Variants in SFMBT2 observed in about 807,000 individuals in gnomAD.
SFMBT2 encodes Scm like with four mbt domains 2.
SFMBT2 carries 38 observed loss-of-function variants against 110.1 expected under a neutral mutation model. The ratio of observed to expected loss-of-function variants is 0.35; its 90% CI spans 0.27 to 0.45. The LOEUF is 0.45. SFMBT2 is among the 20% of genes least tolerant of loss of function. SFMBT2 has a pLI of 1.00. For missense variants in SFMBT2, 1,011 were observed against 1,094.9 expected (o/e 0.92, Z 1.08); for synonymous variants, 425 against 425.4 (o/e 1.00, Z 0.01).
chr10:7,292,795 T>A (rs1842298752), intron 4 of SFMBT2, among the ~76,000 whole-genome samples: 1 of 152,036 alleles, frequency 6.6e-6, no homozygotes, highest in Admixed American at 6.5e-5. Flanking sequence ...GGCGGGCGGA[T>A]CACCTAAGGC....
intron 4 of SFMBT2, among the ~76,000 whole-genome samples, chr10:7,357,855 C>T (rs557945093): frequency 9.2e-5 from 14 of 152,360 alleles, no homozygotes; most frequent in Non-Finnish European, 1.5e-4. Flanking sequence ...AACCTAAGGA[C>T]TCGAGTTGGA....
intron 1 of SFMBT2, among the ~76,000 whole-genome samples, chr10:7,387,071 T>C (rs1387089609): frequency 6.6e-6 from 1 of 152,196 alleles, no homozygotes; most frequent in Admixed American, 6.5e-5. Context: ...AATCATCGAT[T>C]TTTAATAACT....
intron 16 of SFMBT2, among the ~76,000 whole-genome samples, chr10:7,182,053 CCTTTT>C (rs756958448): frequency 1.3e-5 from 2 of 152,112 alleles, no homozygotes; most frequent in East Asian, 3.9e-4. Flanking sequence ...TTCTTTCTTT[CCTTTT>C]TTTTTGAGAC....
chr10:7,248,532 A>T lies in SFMBT2; in HGVS notation c.972+16T>A, dbSNP rs1840693106. The T allele has an allele frequency of 1.9e-6, 3 of 1,609,374 alleles. No individual in the cohort carries two copies. In the East Asian group the frequency reaches 6.7e-5, roughly 36 times the overall value. On this transcript the variant is annotated intron_variant, in intron 8 of 20. Transcript: ENST00000397167. ...ACTCTAGGGGCTGGGTCGAAGAGCG[A>T]GGGAGGAAAACCCACCTTAGTCACC...
At chr10:7,306,741 G>A (rs34445863) in intron 4 of SFMBT2, among the ~76,000 whole-genome samples, 78,229 of 150,314 alleles carry the variant, frequency 0.52, 20,598 homozygotes, top group East Asian at 0.68. Flanking sequence ...GAAAAGGGGG[G>A]AAAAAAAAGA....
intron 6 of SFMBT2, among the ~76,000 whole-genome samples, chr10:7,277,825 A>C (rs1396034325): frequency 6.6e-6 from 1 of 152,244 alleles, no homozygotes; most frequent in African/African-American, 2.4e-5. Context: ...TTAGGATATG[A>C]ATATGAAATT....
intron 4 of SFMBT2, among the ~76,000 whole-genome samples, chr10:7,355,577 C>T (rs2132022736): frequency 6.6e-6 from 1 of 152,274 alleles, no homozygotes; most frequent in East Asian, 1.9e-4. Context: ...CTTTGGGAGG[C>T]CGAGGCGGCT....
chr10:7,307,837 A>G lies in SFMBT2; in HGVS notation c.437-21883T>C, dbSNP rs539100138. Among the ~76,000 whole-genome samples, 49 of 152,342 alleles carry G rather than the reference A, an allele frequency of 3.2e-4. 1 individual carries two copies. The South Asian group carries it at 6.4e-3, about 20-fold the overall frequency. The stretch of plus-strand genomic sequence containing the variant: ...ATAAAATCAGCTTAGTAAAATTAAG[A>G]ATTTCCATCCACTAAGAAGTCATTA... On this transcript the variant is annotated intron_variant, in intron 4 of 20. Transcript: ENST00000397167.
At chr10:7,185,502 T>C (rs116311460) in intron 16 of SFMBT2, among the ~76,000 whole-genome samples, 3,340 of 152,206 alleles carry the variant, frequency 0.022, 112 homozygotes, top group African/African-American at 0.076. Flanking sequence ...CCACTGCTTA[T>C]GAAAAAAAAG....
Position 7,370,295 on chromosome 10 carries a change from T to C in SFMBT2, c.181A>G (p.Thr61Ala), listed in dbSNP as rs1285633703. 6.2e-7 allele frequency: 1 copy of C among 1,613,830 alleles called. No homozygotes were observed. The highest frequency in any genetic ancestry group is 8.5e-7 in the Non-Finnish European group (1 of 1,179,840). Residue 61 changes from threonine (T) to alanine (A), a missense_variant, in exon 3 of 21, where the codon ACA becomes GCA. Coordinates refer to ENST00000397167, the MANE Select transcript of SFMBT2 (RefSeq NM_001387889.1). ...EETGASAAPH[T>A]SFKHVEISIQ... ...GCTTTACATACGTGTTTGAATGATGTGTGGGGAGCAGCACTTGCTCCTGTC... is the reference window on the plus strand; with the variant it reads ...GCTTTACATACGTGTTTGAATGATGCGTGGGGAGCAGCACTTGCTCCTGTC...
At chr10:7,378,063 G>T (rs1220895208) in intron 2 of SFMBT2, among the ~76,000 whole-genome samples, 1 of 151,158 alleles carries the variant, frequency 6.6e-6, no homozygotes, top group Non-Finnish European at 1.5e-5. Context: ...GGATGTGAGT[G>T]TGTGTGTGCA....
chr10:7,320,180 A>G (rs1843143232), intron 4 of SFMBT2, among the ~76,000 whole-genome samples: 1 of 152,270 alleles, frequency 6.6e-6, no homozygotes, highest in South Asian at 2.1e-4. Flanking sequence ...ATACACTGTC[A>G]TACATGCGAA....
intron 7 of SFMBT2, among the ~76,000 whole-genome samples, chr10:7,255,342 G>T (rs189157244): frequency 7.9e-4 from 121 of 152,314 alleles, no homozygotes; most frequent in African/African-American, 2.9e-3. Context: ...ATTGGATCAA[G>T]AATGATGTTA....
chr10:7,330,252 T>A (rs1214675122), intron 4 of SFMBT2, among the ~76,000 whole-genome samples: 2 of 152,166 alleles, frequency 1.3e-5, no homozygotes, highest in African/African-American at 4.8e-5. Context: ...TTATAACATT[T>A]CTCATTATTT....
intron 14 of SFMBT2, chr10:7,197,947 A>G: frequency 1.0e-6 from 1 of 978,896 alleles, no homozygotes; most frequent in Non-Finnish European, 1.2e-6. Context: ...AGAGAAAAAC[A>G]GATGATTTTC....
At chr10:7,242,977 T>A (rs1037376336) in intron 9 of SFMBT2, among the ~76,000 whole-genome samples, 1 of 152,250 alleles carries the variant, frequency 6.6e-6, no homozygotes, top group Non-Finnish European at 1.5e-5. Flanking sequence ...TCTTCCTGAA[T>A]AAACCTGACC....
chr10:7,188,688 A>G lies in SFMBT2; in HGVS notation c.1744T>C (p.Leu582=). 1 of 1,613,704 alleles carries G rather than the reference A, an allele frequency of 6.2e-7. No homozygotes were observed. The highest frequency in any genetic ancestry group is 2.2e-5 in the East Asian group (1 of 44,874). The change falls in exon 16 of 21, where the codon TTA becomes CTA. Residue 582 remains leucine (L), a synonymous_variant. Transcript: ENST00000397167. ...INAAYKPGRV[L]RELQLVEDPH... is the part of the protein sequence containing the mutation. ...TCTTCTACCAGCTGTAATTCTCTTA[A>G]TACCCTTCCAGGCTTGTAGGCTGCG...
intron 2 of SFMBT2, among the ~76,000 whole-genome samples, chr10:7,379,623 C>T (rs1397189754): frequency 6.6e-6 from 1 of 152,160 alleles, no homozygotes; most frequent in Non-Finnish European, 1.5e-5. Flanking sequence ...GGCGAAAGGA[C>T]AGATTAGCCA....
chr10:7,400,415 A>C (rs1846045533), intron 1 of SFMBT2, among the ~76,000 whole-genome samples: 1 of 152,216 alleles, frequency 6.6e-6, no homozygotes, highest in Admixed American at 6.5e-5. Context: ...TGTGATGGTT[A>C]TCTCTCATTC....
Sources: gnomAD v4.1 joint callset for allele counts (sites outside exome capture counted in the v4.1 genomes callset) on GRCh38, gnomAD v4.1.1 for gene constraint, MANE v1.5 for transcripts, NCBI Gene and HGNC (gene_info 2026-07-23, HGNC 2026-07-21) for gene names.